CFAP210: variants seen among roughly 807,000 people sequenced by gnomAD.
CFAP210 encodes the protein cilia and flagella associated protein 210.
At chr2:169,670,304 C>G in the CFAP210 span, among the ~76,000 whole-genome samples, 1 of 152,028 alleles carries the variant, frequency 6.6e-6, no homozygotes, top group Non-Finnish European at 1.5e-5. Flanking sequence ...TTTGTCTTAT[C>G]GCCGTCACAC....
chr2:169,673,094 G>A, the CFAP210 span, among the ~76,000 whole-genome samples: 1 of 152,320 alleles, frequency 6.6e-6, no homozygotes, highest in Admixed American at 6.5e-5. Context: ...AGGAATTTAT[G>A]CTGACGTCAG....
the CFAP210 span, among the ~76,000 whole-genome samples, chr2:169,667,240 G>A: frequency 6.6e-6 from 1 of 151,006 alleles, no homozygotes; most frequent in South Asian, 2.1e-4. Context: ...CCGGGTTCAA[G>A]AGATTCTCCT....
chr2:169,675,545 C>G, the CFAP210 span, among the ~76,000 whole-genome samples: 20 of 152,210 alleles, frequency 1.3e-4, no homozygotes, highest in African/African-American at 4.8e-4. Context: ...CACGAGAACA[C>G]AGTCACTATT....
the CFAP210 span, among the ~76,000 whole-genome samples, chr2:169,677,058 G>T: frequency 6.6e-6 from 1 of 152,168 alleles, no homozygotes; most frequent in African/African-American, 2.4e-5. Flanking sequence ...TCAGGCAGAG[G>T]GAGGCCAGCA....
At chr2:169,693,959 G>A in the CFAP210 span, among the ~76,000 whole-genome samples, 4 of 123,688 alleles carry the variant, frequency 3.2e-5, no homozygotes, top group Non-Finnish European at 5.1e-5. Context: ...CTGCAACTGC[G>A]CAGTTTTAGG....
the CFAP210 span, chr2:169,654,245 T>G: frequency 1.3e-6 from 2 of 1,520,390 alleles, no homozygotes; most frequent in Non-Finnish European, 8.8e-7. Flanking sequence ...TATTAACTTA[T>G]CACAAAGAAA....
the CFAP210 span, chr2:169,645,724 T>C: frequency 4.3e-6 from 3 of 699,910 alleles, no homozygotes; most frequent in African/African-American, 5.4e-5. Context: ...GAACAATCAA[T>C]TAAATCAGAC....
At chr2:169,661,413 A>G in the CFAP210 span, 11 of 364,288 alleles carry the variant, frequency 3.0e-5, no homozygotes, top group African/African-American at 1.3e-4. Context: ...ACCTCCAAGC[A>G]CTCTCAGCCC....
At chr2:169,652,153 CA>C in the CFAP210 span, among the ~76,000 whole-genome samples, 1 of 151,986 alleles carries the variant, frequency 6.6e-6, no homozygotes, top group Non-Finnish European at 1.5e-5. Flanking sequence ...GGCAAAGCAG[CA>C]TGTGAGAAAT....
the CFAP210 span, among the ~76,000 whole-genome samples, chr2:169,652,066 CTTGTTAAA>C: frequency 6.6e-6 from 1 of 152,024 alleles, no homozygotes; most frequent in African/African-American, 2.4e-5. Context: ...AAGAATACAT[CTTGTTAAA>C]TTAGGGCATT....
At chr2:169,693,207 TTCCCCTAA>T in the CFAP210 span, among the ~76,000 whole-genome samples, 1 of 152,370 alleles carries the variant, frequency 6.6e-6, no homozygotes, top group Non-Finnish European at 1.5e-5. Flanking sequence ...CAACTTAGCC[TTCCCCTAA>T]AAATGGAGAT....
chr2:169,657,135 TA>T, the CFAP210 span, among the ~76,000 whole-genome samples: 3 of 152,110 alleles, frequency 2.0e-5, no homozygotes, highest in African/African-American at 7.2e-5. Flanking sequence ...TTCTCTTAAC[TA>T]ATGAGAAAAG....
At chr2:169,681,278 T>C in the CFAP210 span, 1 of 1,395,944 alleles carries the variant, frequency 7.2e-7, no homozygotes, top group Non-Finnish European at 1.0e-6. Flanking sequence ...ACGGGAACAG[T>C]TTAAGTGATA....
chr2:169,650,868 G>A, the CFAP210 span, among the ~76,000 whole-genome samples: 1 of 151,806 alleles, frequency 6.6e-6, no homozygotes, highest in Non-Finnish European at 1.5e-5. Flanking sequence ...GGAGGCTGAG[G>A]TGGTAGGATC....
At chr2:169,674,289 C>T in the CFAP210 span, among the ~76,000 whole-genome samples, 2 of 152,126 alleles carry the variant, frequency 1.3e-5, no homozygotes, top group Admixed American at 1.3e-4. Context: ...GAAAAGCTGC[C>T]CAGCTGATTC....
the CFAP210 span, chr2:169,654,356 T>C: frequency 3.0e-6 from 2 of 670,524 alleles, no homozygotes; most frequent in Non-Finnish European, 4.8e-6. Flanking sequence ...AAAGAGATGA[T>C]CAGAGAAGTG....
chr2:169,671,707 T>C, the CFAP210 span, among the ~76,000 whole-genome samples: 2 of 152,180 alleles, frequency 1.3e-5, no homozygotes, highest in Non-Finnish European at 2.9e-5. Context: ...TGACCTCAAG[T>C]GATCCACCCA....
At chr2:169,660,094 A>G in the CFAP210 span, among the ~76,000 whole-genome samples, 1 of 151,048 alleles carries the variant, frequency 6.6e-6, no homozygotes, top group South Asian at 2.1e-4. Flanking sequence ...AAAAAAAAAA[A>G]GACAACTTTT....
chr2:169,667,856 A>G, the CFAP210 span, among the ~76,000 whole-genome samples: 1 of 152,124 alleles, frequency 6.6e-6, no homozygotes, highest in African/African-American at 2.4e-5. Flanking sequence ...GGCAGAGAAG[A>G]TTTAACATAA....
Sources: allele counts gnomAD v4.1 joint callset (sites outside exome capture counted in the v4.1 genomes callset), GRCh38; gene constraint gnomAD v4.1.1; transcripts MANE v1.5; gene names NCBI Gene and HGNC (gene_info 2026-07-23, HGNC 2026-07-21).